Variants in TMEM178B observed in about 807,000 individuals in gnomAD.
The protein encoded by TMEM178B is transmembrane protein 178B.
In TMEM178B, 5 loss-of-function variants were observed where a neutral mutation model predicts 31.0. That is an observed-to-expected ratio of 0.16 (90% CI 0.08 to 0.34). The LOEUF is 0.34. TMEM178B is among the 10% of genes least tolerant of loss of function. The pLI is 1.00. For synonymous variants in TMEM178B, 164 were observed against 164.0 expected, an observed-to-expected ratio of 1.00 and a Z score of 0.00; for missense variants, 275 against 400.3, an observed-to-expected ratio of 0.69 and a Z score of 2.67.
intron 2 of TMEM178B, among the ~76,000 whole-genome samples, chr7:141,433,924 T>G (rs570658751): frequency 1.2e-4 from 18 of 152,322 alleles, no homozygotes; most frequent in African/African-American, 3.8e-4. Context: ...ATTTTCATTC[T>G]TGTTTCTAGA....
chr7:141,438,994 G>A (rs943456517), intron 3 of TMEM178B, among the ~76,000 whole-genome samples: 1 of 152,134 alleles, frequency 6.6e-6, no homozygotes, highest in African/African-American at 2.4e-5. Flanking sequence ...CCCAACTCAG[G>A]TCCCTTCTGT....
At chr7:141,106,272 C>T (rs1795145044) in intron 1 of TMEM178B, among the ~76,000 whole-genome samples, 1 of 152,030 alleles carries the variant, frequency 6.6e-6, no homozygotes, top group Non-Finnish European at 1.5e-5. Context: ...GTGCATGATG[C>T]CCAGGGCAGA....
chr7:141,458,879 C>A (rs1263093798), intron 3 of TMEM178B, among the ~76,000 whole-genome samples: 1 of 152,244 alleles, frequency 6.6e-6, no homozygotes, highest in East Asian at 1.9e-4. Context: ...CGCACGCACA[C>A]ACACACACAT....
At chr7:141,436,408 G>A (rs1801541145) in intron 2 of TMEM178B, among the ~76,000 whole-genome samples, 1 of 152,176 alleles carries the variant, frequency 6.6e-6, no homozygotes. Flanking sequence ...AACCCCCTGG[G>A]AAGCACAGAC....
At chr7:141,447,255 G>A (rs1042188005) in intron 3 of TMEM178B, among the ~76,000 whole-genome samples, 1 of 152,098 alleles carries the variant, frequency 6.6e-6, no homozygotes, top group East Asian at 1.9e-4. Context: ...GGGCATGGCT[G>A]TTGTTAGAGA....
chr7:141,254,699 G>A (rs1490952054), intron 2 of TMEM178B, among the ~76,000 whole-genome samples: 2 of 152,084 alleles, frequency 1.3e-5, no homozygotes, highest in African/African-American at 2.4e-5. Flanking sequence ...CCAGCCTGGG[G>A]GACAAGAGCG....
At chr7:141,104,186 G>T (rs1461006551) in intron 1 of TMEM178B, among the ~76,000 whole-genome samples, 1 of 152,078 alleles carries the variant, frequency 6.6e-6, no homozygotes, top group Non-Finnish European at 1.5e-5. Context: ...GCTTCATCCT[G>T]GGCAGCTAGT....
At chr7:141,373,955 A>G (rs528562792) in intron 2 of TMEM178B, among the ~76,000 whole-genome samples, 94 of 152,316 alleles carry the variant, frequency 6.2e-4, no homozygotes, top group Admixed American at 3.7e-3. Flanking sequence ...ATGAAATCCA[A>G]CTCTGGGGGA....
intron 2 of TMEM178B, among the ~76,000 whole-genome samples, chr7:141,387,126 A>C (rs1410320426): frequency 6.6e-6 from 1 of 152,154 alleles, no homozygotes; most frequent in Admixed American, 6.5e-5. Flanking sequence ...ATTTGCATGC[A>C]ATCTCAGGGC....
chr7:141,079,623 A>G (rs1035362802), intron 1 of TMEM178B, among the ~76,000 whole-genome samples: 34 of 152,214 alleles, frequency 2.2e-4, no homozygotes, highest in Non-Finnish European at 7.3e-5. Context: ...TTAATTTTCT[A>G]TCATCAACTC....
intron 1 of TMEM178B, 80 bp from the exon 2 acceptor site, chr7:141,212,511 G>T: frequency 8.2e-7 from 1 of 1,212,586 alleles, no homozygotes; most frequent in East Asian, 2.5e-5. Flanking sequence ...TCTTCTCCAG[G>T]ATGGAAAAAT....
chr7:141,203,789 G>A lies in TMEM178B; in HGVS notation c.383-8802G>A, dbSNP rs187487826. Among the ~76,000 whole-genome samples the A allele has an allele frequency of 2.6e-3, 396 of 152,290 alleles. 2 individuals are homozygous for A. Among genetic ancestry groups the A allele is most frequent in the Admixed American group, 6.0e-3 (91 of 15,292 alleles). On this transcript the variant is annotated intron_variant, in intron 1 of 3. Transcript: ENST00000565468. ...TGAGGTTGTCATGGGGACAGCATGA[G>A]ATAATACGGGAGCCTCTGGCATGTG...
intron 2 of TMEM178B, among the ~76,000 whole-genome samples, chr7:141,332,049 C>T (rs1175066036): frequency 6.6e-6 from 1 of 152,166 alleles, no homozygotes; most frequent in Non-Finnish European, 1.5e-5. Flanking sequence ...AGGAGATGAC[C>T]TCCTGGTTGT....
chr7:141,093,295 G>T (rs1262497388), intron 1 of TMEM178B, among the ~76,000 whole-genome samples: 1 of 152,122 alleles, frequency 6.6e-6, no homozygotes, highest in Non-Finnish European at 1.5e-5. Flanking sequence ...TCAGATGCAG[G>T]GCAGATGAGA....
intron 2 of TMEM178B, among the ~76,000 whole-genome samples, chr7:141,407,498 T>C (rs999305855): frequency 1.5e-4 from 23 of 152,212 alleles, no homozygotes; most frequent in African/African-American, 5.1e-4. Context: ...GTTCCCAGCA[T>C]TTATTGAATG....
At chr7:141,322,858 A>AC in intron 2 of TMEM178B, among the ~76,000 whole-genome samples, 1 of 151,540 alleles carries the variant, frequency 6.6e-6, no homozygotes, top group East Asian at 1.9e-4. Context: ...TCTCCCCTAA[A>AC]CCCCCCTGCC....
At chr7:141,298,717 G>A (rs1262628798) in intron 2 of TMEM178B, among the ~76,000 whole-genome samples, 3 of 152,230 alleles carry the variant, frequency 2.0e-5, no homozygotes, top group African/African-American at 7.2e-5. Context: ...GTACCTCTTA[G>A]AGGGAAGGAA....
intron 1 of TMEM178B, among the ~76,000 whole-genome samples, chr7:141,124,129 G>A (rs1304733777): frequency 6.6e-6 from 1 of 152,164 alleles, no homozygotes; most frequent in Non-Finnish European, 1.5e-5. Flanking sequence ...TACTTTGGGA[G>A]GCCGAGGTGG....
chr7:141,510,696 A>AAAG, the TMEM178B span, among the ~76,000 whole-genome samples: 1 of 143,728 alleles, frequency 7.0e-6, no homozygotes, highest in Non-Finnish European at 1.5e-5. Flanking sequence ...AAAAAAAAAA[A>AAAG]AAAAAAAAAA....
Sources: gnomAD v4.1 joint callset for allele counts (sites outside exome capture counted in the v4.1 genomes callset) on GRCh38, gnomAD v4.1.1 for gene constraint, MANE v1.5 for transcripts, NCBI Gene and HGNC (gene_info 2026-07-23, HGNC 2026-07-21) for gene names.